Variants in FAT3 observed in about 807,000 individuals in gnomAD.
FAT3 encodes the protein protocadherin Fat 3.
Under a neutral mutation model 310.2 loss-of-function variants are expected in FAT3, and 95 were observed. The ratio of observed to expected loss-of-function variants is 0.31; its 90% confidence interval spans 0.26 to 0.36. The LOEUF is 0.36. FAT3 is among the 10% of genes least tolerant of loss of function. FAT3 has a pLI of 1.00. For synonymous variants in FAT3, 2,314 were observed against 2,192.9 expected (o/e 1.06, Z -1.54); for missense variants, 5,408 against 5,715.6 (o/e 0.95, Z 1.74).
chr11:92,870,731 G>C (rs960201078), intron 22 of FAT3, among the ~76,000 whole-genome samples: 3 of 152,190 alleles, frequency 2.0e-5, no homozygotes, highest in Non-Finnish European at 2.9e-5. Flanking sequence ...CATTCAGGCA[G>C]CATGGCATGA....
chr11:92,400,305 ATTTTC>A (rs1949984143), intron 2 of FAT3: 1 of 152,128 alleles, frequency 6.6e-6, no homozygotes, highest in Non-Finnish European at 1.5e-5. Context: ...GCTGAGAGCC[ATTTTC>A]TTTGTAACTG....
At position 92,764,914 on chromosome 11, in the gene FAT3, C is replaced by T; in HGVS notation, c.4020C>T (p.Ser1340=). Reference sequence around the variant, plus strand: ...TGGACAATGGGCGCCCACAGAAATCCTCCACGGCCCGCCTCCACATTGAAT... The same window carrying T: ...TGGACAATGGGCGCCCACAGAAATCTTCCACGGCCCGCCTCCACATTGAAT... ...KAVDNGRPQK[S]STARLHIEWI... Residue 1340 remains serine (S), a synonymous_variant, in exon 6 of 28, where the codon TCC becomes TCT. Coordinates refer to ENST00000525166, the MANE Select transcript of FAT3 (RefSeq NM_001367949.2). 6.2e-7 allele frequency: 1 copy of T among 1,613,832 alleles called. No individual in the cohort carries two copies.
chr11:92,751,279 A>G (rs921261142), intron 4 of FAT3, among the ~76,000 whole-genome samples: 1 of 152,210 alleles, frequency 6.6e-6, no homozygotes, highest in Non-Finnish European at 1.5e-5. Context: ...GTGTGGGGAT[A>G]ATAATCGCAT....
rs1391861346 is a variant in FAT3 at position 92,405,723 on chromosome 11, C to G, written c.3292+50319C>G. ...CTGTGATTACACCACTGCACTCTAG[C>G]CTGGGTGACAGAAGCAAGACCCCGT... On this transcript the variant is annotated intron_variant, in intron 2 of 27. Transcript: ENST00000525166. 2.0e-5 allele frequency among the ~76,000 whole-genome samples: 3 copies of G among 152,066 alleles called. No individual in the cohort carries two copies. The East Asian group carries it at 5.8e-4, about 29-fold the overall frequency.
At chr11:92,623,965 G>A (rs143068760) in intron 3 of FAT3, among the ~76,000 whole-genome samples, 143 of 152,038 alleles carry the variant, frequency 9.4e-4, no homozygotes, top group African/African-American at 2.7e-3. Flanking sequence ...AATTAAAATC[G>A]CTTACCCCGT....
intron 2 of FAT3, among the ~76,000 whole-genome samples, chr11:92,453,374 T>C (rs532116826): frequency 6.6e-6 from 1 of 152,198 alleles, no homozygotes; most frequent in Non-Finnish European, 1.5e-5. Flanking sequence ...TCCCCTTTCT[T>C]TGAGTCTTTT....
intron 3 of FAT3, among the ~76,000 whole-genome samples, chr11:92,607,924 G>T (rs1412668089): frequency 6.6e-6 from 1 of 151,976 alleles, no homozygotes; most frequent in Non-Finnish European, 1.5e-5. Context: ...AAGACTTTGA[G>T]CTGGCATCTA....
chr11:92,267,070 C>CT (rs1565189992), intron 1 of FAT3, among the ~76,000 whole-genome samples: 73 of 152,246 alleles, frequency 4.8e-4, no homozygotes, highest in African/African-American at 1.7e-3. Flanking sequence ...TTGCCTGTCA[C>CT]GCGGGTGTAG....
intron 2 of FAT3, among the ~76,000 whole-genome samples, chr11:92,457,513 C>G (rs1374751623): frequency 6.6e-6 from 1 of 152,006 alleles, no homozygotes; most frequent in Non-Finnish European, 1.5e-5. Flanking sequence ...GAAAAACAAA[C>G]CAATGAACAT....
intron 2 of FAT3, among the ~76,000 whole-genome samples, chr11:92,459,597 GTTTGGAAGTA>G (rs1023901814): frequency 6.6e-6 from 1 of 152,186 alleles, no homozygotes; most frequent in Non-Finnish European, 1.5e-5. Context: ...AAGAAGAGGT[GTTTGGAAGTA>G]TTTGATGATA....
In FAT3 at chr11:92,773,873, T is replaced by C. The variant is rs556531080; in HGVS notation, c.4196-168T>C. Among the ~76,000 whole-genome samples, 3 of 152,260 alleles carry C rather than the reference T, an allele frequency of 2.0e-5. No individual in the cohort carries two copies. In the South Asian group the frequency reaches 6.2e-4, roughly 32 times the overall value. On this transcript the variant is annotated intron_variant, in intron 6 of 27. Transcript: ENST00000525166. ...ATTGTAGAGGCTGTGTTTTGAACTA[T>C]GAATCAAGTTAGAAATAAAGAGGTC...
At chr11:92,277,898 T>C (rs985261965) in intron 1 of FAT3, among the ~76,000 whole-genome samples, 1 of 151,314 alleles carries the variant, frequency 6.6e-6, no homozygotes, top group African/African-American at 2.4e-5. Flanking sequence ...TTGGGCAACA[T>C]GGCAAAACCC....
At chr11:92,289,381 A>G (rs530981908) in intron 1 of FAT3, among the ~76,000 whole-genome samples, 2 of 151,904 alleles carry the variant, frequency 1.3e-5, no homozygotes, top group Non-Finnish European at 2.9e-5. Flanking sequence ...CTAAAATGTC[A>G]CATGTCCAAG....
chr11:92,672,467 T>C (rs1943158873), intron 3 of FAT3, among the ~76,000 whole-genome samples: 1 of 152,204 alleles, frequency 6.6e-6, no homozygotes, highest in Admixed American at 6.5e-5. Flanking sequence ...TTTTAAATGG[T>C]TGTCTCTTAG....
intron 1 of FAT3, among the ~76,000 whole-genome samples, chr11:92,296,105 T>C (rs72968398): frequency 0.02 from 3,107 of 152,202 alleles, 57 homozygotes; most frequent in Non-Finnish European, 0.03. Context: ...TATACAGTTA[T>C]GGTTGAGATA....
At chr11:92,235,528 A>ATTGCTAT (rs1864383064) in intron 1 of FAT3, among the ~76,000 whole-genome samples, 1 of 151,954 alleles carries the variant, frequency 6.6e-6, no homozygotes, top group Non-Finnish European at 1.5e-5. Flanking sequence ...TCCCACTCTT[A>ATTGCTAT]TTGCTATATC....
chr11:92,642,396 AT>A (rs1941996338), intron 3 of FAT3, among the ~76,000 whole-genome samples: 1 of 152,168 alleles, frequency 6.6e-6, no homozygotes, highest in South Asian at 2.1e-4. Flanking sequence ...ACAATTTGAT[AT>A]TTTAACCTCC....
chr11:92,338,146 A>G (rs554246130), intron 1 of FAT3, among the ~76,000 whole-genome samples: 2 of 152,210 alleles, frequency 1.3e-5, no homozygotes, highest in Non-Finnish European at 2.9e-5. Flanking sequence ...GCTTCCCTGT[A>G]CAGCTGCCCT....
chr11:92,646,249 G>C (rs1295439555), intron 3 of FAT3, among the ~76,000 whole-genome samples: 1 of 152,176 alleles, frequency 6.6e-6, no homozygotes, highest in East Asian at 1.9e-4. Flanking sequence ...TGGATGGAAG[G>C]CTAGGCTCAG....
Sources: gnomAD v4.1 joint callset for allele counts (sites outside exome capture counted in the v4.1 genomes callset) on GRCh38, gnomAD v4.1.1 for gene constraint, MANE v1.5 for transcripts, NCBI Gene and HGNC (gene_info 2026-07-23, HGNC 2026-07-21) for gene names.